The following NASP variants were observed in gnomAD, a reference collection of about 807,000 sequenced individuals.
NASP encodes NASP histone chaperone.
Under a neutral mutation model 89.5 loss-of-function variants are expected in NASP, and 24 were observed. That is an observed-to-expected ratio of 0.27 (90% CI 0.19 to 0.38). The LOEUF (loss-of-function observed/expected upper bound fraction) is 0.38. Among genes scored for constraint, NASP ranks in the 10% least tolerant of loss-of-function variants. The pLI is 1.00. For missense variants in NASP, 848 were observed against 921.4 expected, an observed-to-expected ratio of 0.92 and a Z score of 1.03; for synonymous variants, 306 against 324.7, an observed-to-expected ratio of 0.94 and a Z score of 0.62.
chr1:45,590,612 T>C (rs1327767537), intron 1 of NASP, among the ~76,000 whole-genome samples: 3 of 149,748 alleles, frequency 2.0e-5, no homozygotes, highest in African/African-American at 7.3e-5. Context: ...TGATACTTAA[T>C]AGTGTTTTTA....
chr1:45,601,178 T>C (rs1207370158), intron 2 of NASP, among the ~76,000 whole-genome samples: 1 of 152,174 alleles, frequency 6.6e-6, no homozygotes, highest in African/African-American at 2.4e-5. Context: ...GTGTGTCTAG[T>C]TTATTGATTT....
intron 6 of NASP, chr1:45,612,568 T>C (rs1644033230): frequency 6.6e-6 from 1 of 152,258 alleles, no homozygotes; most frequent in Non-Finnish European, 1.5e-5. Context: ...AGCAAAGGTA[T>C]AGGAGTAAAA....
rs79325394 is a variant in NASP at position 45,596,590 on chromosome 1, C to T, written c.107+5320C>T. ...TGCTGTGACGTTGGGTTTATGTAAT[C>T]GTTCATAAGTAGAAGATCTAGAATA... On this transcript the variant is annotated intron_variant, in intron 2 of 14. Coordinates refer to ENST00000350030, the MANE Select transcript of NASP (RefSeq NM_002482.4). 5.6e-4 allele frequency among the ~76,000 whole-genome samples: 85 copies of T among 152,228 alleles called. No individual in the cohort carries two copies. In the East Asian group the frequency reaches 0.013, roughly 23 times the overall value.
chr1:45,614,743 T>C (rs1644073479), intron 9 of NASP, among the ~76,000 whole-genome samples: 1 of 152,028 alleles, frequency 6.6e-6, no homozygotes. Flanking sequence ...TTCACCATAT[T>C]GGCCAGGCTG....
Position 45,618,087 on chromosome 1 carries a change from A to T in NASP, c.2313A>T (p.Ala771=). Residue 771 remains alanine, a synonymous_variant, in exon 15 of 15, where the codon GCA becomes GCT. Coordinates refer to ENST00000350030, the MANE Select transcript of NASP (RefSeq NM_002482.4). ...EEAENQAESR[A]AVEGTVEAGA... ...CTGAGAATCAGGCTGAAAGCCGGGCAGCAGTGGAGGGGACAGTGGAGGCTG... is the reference window on the plus strand; with the variant it reads ...CTGAGAATCAGGCTGAAAGCCGGGCTGCAGTGGAGGGGACAGTGGAGGCTG... The T allele has an allele frequency of 1.2e-6, 2 of 1,603,628 alleles. No homozygotes were observed. The highest frequency in any genetic ancestry group is 1.7e-6 in the Non-Finnish European group (2 of 1,174,958).
intron 2 of NASP, among the ~76,000 whole-genome samples, chr1:45,601,361 A>G (rs571337802): frequency 6.6e-6 from 1 of 152,306 alleles, no homozygotes; most frequent in South Asian, 2.1e-4. Flanking sequence ...GAGATATGAG[A>G]TAACAGTTGA....
chr1:45,590,912 C>T (rs1643532815), intron 1 of NASP, among the ~76,000 whole-genome samples: 1 of 152,044 alleles, frequency 6.6e-6, no homozygotes, highest in Non-Finnish European at 1.5e-5. Flanking sequence ...GATAAGGATC[C>T]AAGACCATTT....
chr1:45,603,455 C>G (rs1310353016), intron 3 of NASP, among the ~76,000 whole-genome samples: 2 of 152,168 alleles, frequency 1.3e-5, no homozygotes, highest in Non-Finnish European at 2.9e-5. Context: ...TCCTAAACCC[C>G]TACTGCCTCT....
rs965653213 is a variant in NASP at position 45,601,357 on chromosome 1, T to C, written c.108-898T>C. Among the ~76,000 whole-genome samples the C allele has an allele frequency of 2.2e-4, 33 of 152,210 alleles. 1 individual carries two copies. Among genetic ancestry groups the C allele is most frequent in the Admixed American group, 1.9e-3 (29 of 15,282 alleles). ...TGCAGATTAATTTTTGTATGAGATA[T>C]GAGATAACAGTTGAGGTTCACTTTA... On this transcript the variant is annotated intron_variant, in intron 2 of 14. Coordinates refer to ENST00000350030, the MANE Select transcript of NASP (RefSeq NM_002482.4).
chr1:45,607,619 A>G lies in NASP; in HGVS notation c.708A>G (p.Val236=), dbSNP rs757308741. ...EVTSGKPEQE[V]PDAEEEKSVS... is the part of the protein sequence containing the mutation. The stretch of plus-strand genomic sequence containing the variant: ...CTTCTGGGAAGCCAGAACAGGAAGT[A>G]CCAGATGCTGAGGAAGAAAAATCAG... The change falls in exon 6 of 15, where the codon GTA becomes GTG. Residue 236 remains valine (V), a synonymous_variant. Transcript: ENST00000350030. The G allele has an allele frequency of 6.8e-6, 11 of 1,614,188 alleles. No individual in the cohort carries two copies. The East Asian group carries it at 2.5e-4, about 36-fold the overall frequency.
At chr1:45,593,995 C>CTCTA (rs796651866) in intron 2 of NASP, among the ~76,000 whole-genome samples, 5 of 151,442 alleles carry the variant, frequency 3.3e-5, no homozygotes, top group African/African-American at 1.2e-4. Context: ...TGCCACTGCA[C>CTCTA]TCTAGTCTGG....
chr1:45,617,298 TGA>T, intron 13 of NASP, 163 bp from the exon 14 acceptor site: 2 of 698,952 alleles, frequency 2.9e-6, no homozygotes, highest in Non-Finnish European at 4.7e-6. Context: ...TAATACATTC[TGA>T]GAGTACAGGT....
In NASP at chr1:45,584,114, T is replaced by G. The variant is rs781416490; in HGVS notation, c.-33T>G. The G allele has an allele frequency of 4.5e-6, 7 of 1,565,708 alleles. No homozygotes were observed. Among genetic ancestry groups the G allele is most frequent in the Non-Finnish European group, 6.1e-6 (7 of 1,153,118 alleles). On this transcript the variant is annotated 5_prime_UTR_variant, in exon 1 of 15. Transcript: ENST00000350030. ...TTGCCTGTTTTTCTCGCAGGCTCTATTCCGTTCGCTGGTTCGCCACCTCAG... is the reference window on the plus strand; with the variant it reads ...TTGCCTGTTTTTCTCGCAGGCTCTAGTCCGTTCGCTGGTTCGCCACCTCAG...
intron 6 of NASP, chr1:45,611,103 A>G (rs1430139292): frequency 6.6e-6 from 1 of 152,200 alleles, no homozygotes; most frequent in East Asian, 1.9e-4. Flanking sequence ...GGATGGTCTT[A>G]TTAACTCTGC....
In NASP at chr1:45,618,880, A is replaced by G. The variant is rs1353640607; in HGVS notation, c.*739A>G. ...TCTGCAGAATTGACTTCTCAAATAA[A>G]GATGCTAAAAATCTCCTTGTCTGGA... is the stretch of plus-strand genomic sequence containing the variant. On this transcript the variant is annotated 3_prime_UTR_variant, in exon 15 of 15. Transcript: ENST00000350030. The G allele has an allele frequency of 2.6e-5, 4 of 152,210 alleles. No individual in the cohort carries two copies. Among genetic ancestry groups the G allele is most frequent in the Non-Finnish European group, 5.9e-5 (4 of 68,040 alleles). The allele number at this position is 152,210 out of a possible 1,614,324, so 9.4% of individuals were successfully genotyped here.
chr1:45,593,867 AT>A (rs1031454305), intron 2 of NASP, among the ~76,000 whole-genome samples: 149 of 79,628 alleles, frequency 1.9e-3, no homozygotes, highest in Admixed American at 0.015. Flanking sequence ...AAAAAAAAAA[AT>A]TTTTTTTTTA....
intron 1 of NASP, among the ~76,000 whole-genome samples, chr1:45,589,316 G>A (rs1170305299): frequency 6.6e-6 from 1 of 152,026 alleles, no homozygotes; most frequent in Non-Finnish European, 1.5e-5. Context: ...GTAGAGATAG[G>A]TCTCGCTGTG....
intron 1 of NASP, among the ~76,000 whole-genome samples, chr1:45,586,277 TGTGTGTG>T (rs1428763295): frequency 7.0e-4 from 31 of 44,114 alleles, no homozygotes; most frequent in Admixed American, 4.3e-3. Context: ...TGTGTGTGTG[TGTGTGTG>T]GTGTGTGTGT....
chr1:45,601,879 C>CGT (rs1391674189), intron 2 of NASP, among the ~76,000 whole-genome samples: 1 of 150,824 alleles, frequency 6.6e-6, no homozygotes, highest in Non-Finnish European at 1.5e-5. Flanking sequence ...CTCAGCCTCC[C>CGT]GTAGCTGGGA....
Sources: gnomAD v4.1 joint callset for allele counts (sites outside exome capture counted in the v4.1 genomes callset) on GRCh38, gnomAD v4.1.1 for gene constraint, MANE v1.5 for transcripts, NCBI Gene and HGNC (gene_info 2026-07-23, HGNC 2026-07-21) for gene names.